COX7A2L: variants seen among roughly 807,000 people sequenced by gnomAD.
The protein encoded by COX7A2L is cytochrome c oxidase subunit 7A2 like, also known as cytochrome c oxidase subunit 7A2-like, mitochondrial.
A neutral mutation model predicts 14.2 loss-of-function variants in COX7A2L; 18 were observed. The observed-to-expected ratio is 1.27, with a 90% CI of 0.88 to 1.88. The LOEUF (loss-of-function observed/expected upper bound fraction) is 1.88. COX7A2L is among the 40% of genes most tolerant of loss of function. The probability of loss-of-function intolerance (pLI) is 0.00; values close to 1 mark genes in which losing one functional copy is unlikely to be tolerated. For synonymous variants in COX7A2L, 65 were observed against 57.4 expected, an observed-to-expected ratio of 1.13 and a Z score of -0.60; for missense variants, 179 against 138.8, an observed-to-expected ratio of 1.29 and a Z score of -1.46.
rs560931958 is a variant in COX7A2L at position 42,338,228 on chromosome 2, G to A, written c.193-4359C>T. Among the ~76,000 whole-genome samples the A allele has an allele frequency of 4.6e-5, 7 of 152,304 alleles. No homozygotes were observed. The highest frequency in any genetic ancestry group is 3.4e-3 in the Middle Eastern group (1 of 294). On this transcript the variant is annotated intron_variant, in intron 2 of 2. Coordinates refer to the COX7A2L transcript ENST00000468711. This position sits in a 1 kb window ranked among gnomAD's most constrained non-coding sequence, Gnocchi z 4.4. ...CGCAGCGGCCAGGGAGCCGCTCCTC[G>A]TCTTGCTTCCGGTTGATGTGTCGTT...
intron 1 of COX7A2L, 55 bp downstream of exon 1, chr2:42,361,035 G>T (rs778597421): frequency 6.3e-7 from 1 of 1,593,532 alleles, no homozygotes; most frequent in South Asian, 1.1e-5. Context: ...ACTGCCTGTC[G>T]CCGAGGCTAG....
At chr2:42,360,827 G>A (rs1430931583) in intron 1 of COX7A2L, 12 of 506,604 alleles carry the variant, frequency 2.4e-5, no homozygotes, top group African/African-American at 5.9e-5. Flanking sequence ...TTAGACAAGT[G>A]ACCCCGGGGG....
At chr2:42,357,478 T>A (rs961399602) in intron 1 of COX7A2L, among the ~76,000 whole-genome samples, 6 of 152,166 alleles carry the variant, frequency 3.9e-5, no homozygotes, top group Middle Eastern at 3.4e-3. Context: ...CCAGCTAATT[T>A]TTCTTATTTT....
intron 1 of COX7A2L, among the ~76,000 whole-genome samples, chr2:42,360,480 G>A (rs1670989468): frequency 6.6e-6 from 1 of 152,288 alleles, no homozygotes; most frequent in East Asian, 1.9e-4. Flanking sequence ...TGCGTGAAAT[G>A]GAATACTTTT....
intron 1 of COX7A2L, among the ~76,000 whole-genome samples, chr2:42,367,218 A>G (rs182372783): frequency 5.3e-5 from 8 of 152,298 alleles, no homozygotes; most frequent in South Asian, 2.1e-4. Flanking sequence ...TACCTGACTA[A>G]CCTGGGTCTG....
At chr2:42,367,806 G>T (rs1671194926) in intron 1 of COX7A2L, among the ~76,000 whole-genome samples, 1 of 152,224 alleles carries the variant, frequency 6.6e-6, no homozygotes, top group Admixed American at 6.5e-5. Context: ...TGACAGCAGG[G>T]AGAGCCCAAT....
Position 42,351,074 on chromosome 2 carries a change from A to G in COX7A2L, c.*145T>C. The G allele has an allele frequency of 1.1e-6, 1 of 942,000 alleles. No individual in the cohort carries two copies. The highest frequency in any genetic ancestry group is 2.1e-5 in the South Asian group (1 of 47,918). The allele number at this position is 942,000 out of a possible 1,614,324, so 58.4% of individuals were successfully genotyped here. On this transcript the variant is annotated 3_prime_UTR_variant, in exon 3 of 3. Transcript: ENST00000234301. ...ACAAGCCATATGCATTTCATAAACAAACCAAAACATCATCTTCATATCTTC... is the reference window on the plus strand; with the variant it reads ...ACAAGCCATATGCATTTCATAAACAGACCAAAACATCATCTTCATATCTTC...
upstream of COX7A2L, among the ~76,000 whole-genome samples, chr2:42,364,212 C>A (rs1326870092): frequency 3.6e-5 from 5 of 140,694 alleles, no homozygotes; most frequent in African/African-American, 1.4e-4. Context: ...GATCGCGCCA[C>A]TGCACTCCAG....
intron 2 of COX7A2L, among the ~76,000 whole-genome samples, chr2:42,351,871 T>C (rs555579753): frequency 9.2e-4 from 140 of 152,230 alleles, no homozygotes; most frequent in Non-Finnish European, 1.8e-3. Flanking sequence ...AGGGACTTCC[T>C]ATTAGGGAAG....
At chr2:42,336,902 A>G (rs1323672180) in intron 2 of COX7A2L, among the ~76,000 whole-genome samples, 1 of 152,184 alleles carries the variant, frequency 6.6e-6, no homozygotes, top group African/African-American at 2.4e-5. Context: ...GCCTAGTGCA[A>G]GGAACTGTGT....
chr2:42,360,990 C>G (rs1671013976), intron 1 of COX7A2L, 100 bp downstream of exon 1: 8 of 1,289,286 alleles, frequency 6.2e-6, no homozygotes, highest in Non-Finnish European at 8.9e-6. Context: ...CGAACTCGAC[C>G]GCGGGCAGAA....
At chr2:42,340,760 T>C (rs1200309609) in intron 2 of COX7A2L, among the ~76,000 whole-genome samples, 1 of 152,216 alleles carries the variant, frequency 6.6e-6, no homozygotes, top group African/African-American at 2.4e-5. Flanking sequence ...TCCCGGGGCC[T>C]GGCCCTGCAC....
At chr2:42,340,600 C>G (rs958149733) in intron 2 of COX7A2L, among the ~76,000 whole-genome samples, 35 of 152,136 alleles carry the variant, frequency 2.3e-4, no homozygotes, top group Non-Finnish European at 5.1e-4. Flanking sequence ...CCTTTCCTCT[C>G]TTCTCCCCGA....
intron 2 of COX7A2L, among the ~76,000 whole-genome samples, chr2:42,343,748 T>C (rs891889924): frequency 3.1e-4 from 47 of 152,102 alleles, no homozygotes; most frequent in African/African-American, 1.0e-3. Context: ...CTTTTGACCA[T>C]GAGGAAAATC....
downstream of COX7A2L, among the ~76,000 whole-genome samples, chr2:42,345,604 C>A (rs555623364): frequency 6.6e-6 from 1 of 152,322 alleles, no homozygotes; most frequent in South Asian, 2.1e-4. Context: ...ACAAGAATGG[C>A]TGAGGGTCTG....
chr2:42,356,201 G>A (rs1242075525), intron 1 of COX7A2L, among the ~76,000 whole-genome samples: 2 of 152,054 alleles, frequency 1.3e-5, no homozygotes, highest in Non-Finnish European at 2.9e-5. Context: ...ACCTTCTTCA[G>A]GTCTTTACCC....
intron 1 of COX7A2L, among the ~76,000 whole-genome samples, chr2:42,357,093 C>T (rs1186257522): frequency 1.3e-5 from 2 of 152,108 alleles, no homozygotes; most frequent in Admixed American, 6.6e-5. Context: ...TTCAATTGCT[C>T]CAAATTTTTA....
At position 42,361,151 on chromosome 2, in the gene COX7A2L, T is replaced by C. The variant is rs1671023750; in HGVS notation, c.11A>G (p.Lys4Arg). The C allele has an allele frequency of 1.2e-6, 2 of 1,613,188 alleles. No homozygotes were observed. The highest frequency in any genetic ancestry group is 2.7e-5 in the African/African-American group (2 of 74,982). Residue 4 changes from lysine to arginine, a missense_variant, in exon 1 of 3, where the codon AAG becomes AGG. Physicochemically the swap from Lys to Arg is conservative, Grantham distance 26. Coordinates refer to ENST00000234301, the MANE Select transcript of COX7A2L (RefSeq NM_004718.4). Reference sequence around the variant, plus strand: ...CAACTTCTGCGTGAAGCCACTAAACTTGTAGTACATGACGCCCAGAGTCCG... The same window carrying C: ...CAACTTCTGCGTGAAGCCACTAAACCTGTAGTACATGACGCCCAGAGTCCG... MYY[K>R]FSGFTQKLAG...
At position 42,339,650 on chromosome 2, in the gene COX7A2L, T is replaced by A. The variant is rs762330538; in HGVS notation, c.193-5781A>T. Among the ~76,000 whole-genome samples the A allele has an allele frequency of 2.0e-5, 3 of 152,176 alleles. No individual in the cohort carries two copies. The South Asian group carries it at 6.2e-4, about 32-fold the overall frequency. On this transcript the variant is annotated intron_variant, in intron 2 of 2. Coordinates refer to the COX7A2L transcript ENST00000468711. The surrounding 1 kb of genome is among the most constrained non-coding windows in gnomAD (Gnocchi z 5.4). ...TTTTAACACTTTTTAAATTTATTACTTCCAATAAAGTGCAGAATCTCAGCG... is the reference window on the plus strand; with the variant it reads ...TTTTAACACTTTTTAAATTTATTACATCCAATAAAGTGCAGAATCTCAGCG...
Sources: gnomAD v4.1 joint callset for allele counts (sites outside exome capture counted in the v4.1 genomes callset) on GRCh38, gnomAD v4.1.1 for gene constraint, Gnocchi (gnomAD v3.1) non-coding constraint, MANE v1.5 for transcripts, NCBI Gene and HGNC (gene_info 2026-07-23, HGNC 2026-07-21) for gene names.